Variants in SAMD13 observed in about 807,000 individuals in gnomAD.
The protein encoded by SAMD13 is sterile alpha motif domain containing 13.
In SAMD13, 9 loss-of-function variants were observed where a neutral mutation model predicts 12.4. The observed-to-expected ratio is 0.72, with a 90% confidence interval of 0.44 to 1.26. The LOEUF (loss-of-function observed/expected upper bound fraction) is 1.26, where lower values mean the gene tolerates loss of function less well. Ranked by LOEUF, SAMD13 falls within the 50% of genes most tolerant of loss-of-function variation. The pLI is 0.00. For synonymous variants in SAMD13, 46 were observed against 45.4 expected (o/e 1.01, Z -0.05); for missense variants, 84 against 119.6 (o/e 0.70, Z 1.39).
intron 2 of SAMD13, among the ~76,000 whole-genome samples, chr1:84,309,003 G>A (rs185169212): frequency 2.1e-4 from 32 of 152,206 alleles, no homozygotes; most frequent in Admixed American, 6.5e-4. Context: ...TTCTCTCTGC[G>A]TCAGTTCTCT....
At chr1:84,349,553 C>T (rs916955161) in intron 3 of SAMD13, 78 bp from the exon 4 acceptor site, 6 of 1,534,310 alleles carry the variant, frequency 3.9e-6, no homozygotes, top group South Asian at 2.6e-5. Context: ...TGACTTTTAC[C>T]TCTGAACTTC....
chr1:84,328,237 A>G (rs552352671), intron 3 of SAMD13, among the ~76,000 whole-genome samples: 13 of 152,294 alleles, frequency 8.5e-5, no homozygotes, highest in African/African-American at 2.9e-4. Context: ...ACTTTCTCCC[A>G]TGGATGATCT....
chr1:84,349,780 T>C lies in SAMD13; in HGVS notation c.*6T>C, dbSNP rs751768111. 1.9e-6 allele frequency: 3 copies of C among 1,599,652 alleles called. No homozygotes were observed. Among genetic ancestry groups the C allele is most frequent in the Non-Finnish European group, 2.6e-6 (3 of 1,173,790 alleles). Reference sequence around the variant, plus strand: ...TAAAGAACAACTCTTCATAGTACAGTCAAATTGGGGTCTTCGACCTCAAAA... The same window carrying C: ...TAAAGAACAACTCTTCATAGTACAGCCAAATTGGGGTCTTCGACCTCAAAA... On this transcript the variant is annotated 3_prime_UTR_variant, in exon 4 of 4. Coordinates refer to ENST00000394834, the MANE Select transcript of SAMD13 (RefSeq NM_001134663.2).
intron 2 of SAMD13, among the ~76,000 whole-genome samples, chr1:84,321,417 T>A (rs1267412624): frequency 1.3e-5 from 2 of 152,096 alleles, no homozygotes. Flanking sequence ...ATTTATCATA[T>A]TAACATGTAT....
At chr1:84,305,925 A>G (rs575484739) in intron 2 of SAMD13, among the ~76,000 whole-genome samples, 6 of 151,952 alleles carry the variant, frequency 3.9e-5, no homozygotes, top group African/African-American at 1.2e-4. Context: ...TAGCAATCCA[A>G]CTTTGTTTTT....
intron 2 of SAMD13, among the ~76,000 whole-genome samples, chr1:84,318,040 T>A (rs755688629): frequency 1.3e-5 from 2 of 152,086 alleles, no homozygotes; most frequent in Non-Finnish European, 2.9e-5. Context: ...TCTTTTTCAT[T>A]TCTGCTTTTA....
chr1:84,320,550 A>G (rs1054345160), intron 2 of SAMD13, among the ~76,000 whole-genome samples: 3 of 152,232 alleles, frequency 2.0e-5, no homozygotes, highest in Non-Finnish European at 4.4e-5. Flanking sequence ...GCTAATGCTC[A>G]TTTAGTTGCT....
intron 3 of SAMD13, among the ~76,000 whole-genome samples, chr1:84,346,055 A>G (rs1679527814): frequency 6.6e-6 from 1 of 152,158 alleles, no homozygotes; most frequent in African/African-American, 2.4e-5. Context: ...AGTGCATGTC[A>G]GGAATTCTAC....
upstream of SAMD13, among the ~76,000 whole-genome samples, chr1:84,300,739 G>A (rs1558432945): frequency 6.6e-6 from 1 of 152,342 alleles, no homozygotes; most frequent in East Asian, 1.9e-4. Context: ...TTTAAGCCAA[G>A]CAAGGGAACT....
At chr1:84,314,142 T>C (rs568380091) in intron 2 of SAMD13, among the ~76,000 whole-genome samples, 1 of 152,268 alleles carries the variant, frequency 6.6e-6, no homozygotes, top group South Asian at 2.1e-4. Flanking sequence ...TAAAACATTG[T>C]AGAAAAGAGA....
chr1:84,317,463 G>A (rs550431380), intron 2 of SAMD13, among the ~76,000 whole-genome samples: 19 of 151,804 alleles, frequency 1.3e-4, no homozygotes, highest in South Asian at 1.0e-3. Flanking sequence ...TTAGACGATC[G>A]TGTGATTTTT....
intron 2 of SAMD13, among the ~76,000 whole-genome samples, chr1:84,320,507 A>G (rs1179670258): frequency 6.6e-6 from 1 of 152,188 alleles, no homozygotes; most frequent in Non-Finnish European, 1.5e-5. Flanking sequence ...GCTTGTTAGC[A>G]TGAAGGGAGA....
In SAMD13 at chr1:84,350,019, A is replaced by G. The variant is rs1324928229; in HGVS notation, c.*245A>G. The G allele has an allele frequency of 7.3e-6, 4 of 546,904 alleles. No individual in the cohort carries two copies. The highest frequency in any genetic ancestry group is 8.9e-5 in the East Asian group (2 of 22,590). The allele number at this position is 546,904 out of a possible 1,614,324, so 33.9% of individuals were successfully genotyped here. A position where few individuals can be genotyped will look rare whatever the true frequency, so the allele number is the denominator to read the frequency against. On this transcript the variant is annotated 3_prime_UTR_variant, in exon 4 of 4. Coordinates refer to ENST00000394834, the MANE Select transcript of SAMD13 (RefSeq NM_001134663.2). ...GATTTTGTCAAATAGATGATCTTTG[A>G]CACGATTAGACACTCCTCCCCACAA... is the stretch of plus-strand genomic sequence containing the variant.
intron 3 of SAMD13, among the ~76,000 whole-genome samples, chr1:84,340,175 T>A (rs1604725): frequency 0.017 from 2,626 of 152,294 alleles, 64 homozygotes; most frequent in African/African-American, 0.058. Flanking sequence ...GGTGGAAATA[T>A]CCCGAGTGTC....
At chr1:84,308,870 TGGAGACCA>T (rs1678645106) in intron 2 of SAMD13, among the ~76,000 whole-genome samples, 1 of 152,172 alleles carries the variant, frequency 6.6e-6, no homozygotes, top group Admixed American at 6.5e-5. Context: ...AACCCAAATT[TGGAGACCA>T]GGGGGAATTA....
At chr1:84,311,090 C>A (rs960925064) in intron 2 of SAMD13, among the ~76,000 whole-genome samples, 2 of 151,990 alleles carry the variant, frequency 1.3e-5, no homozygotes, top group African/African-American at 2.4e-5. Context: ...AATCCCAGCA[C>A]TTTGGGAGGC....
In SAMD13 at chr1:84,305,993, T is replaced by G. The variant is rs374680549; in HGVS notation, c.53+2706T>G. ...ATGAATTTTAGAATTAGCTTGTCAG[T>G]TTCCACCAAATTTTTTTTTGAAAAT... On this transcript the variant is annotated intron_variant, in intron 2 of 3. Transcript: ENST00000394834. Among the ~76,000 whole-genome samples the G allele has an allele frequency of 4.6e-5, 7 of 152,344 alleles. No homozygotes were observed. In the South Asian group the frequency reaches 1.5e-3, roughly 32 times the overall value.
Position 84,330,777 on chromosome 1 carries a change from A to C in SAMD13, c.165+5029A>C, listed in dbSNP as rs575670541. Among the ~76,000 whole-genome samples, 10 of 152,326 alleles carry C rather than the reference A, an allele frequency of 6.6e-5. No homozygotes were observed. In the South Asian group the frequency reaches 1.9e-3, roughly 28 times the overall value. ...AATATATAAGAAGAAGATGGAAGAC[A>C]GATCTGCCATTCAATCAATGTCATA... On this transcript the variant is annotated intron_variant, in intron 3 of 3. Coordinates refer to ENST00000394834, the MANE Select transcript of SAMD13 (RefSeq NM_001134663.2).
chr1:84,303,117 G>T, intron 1 of SAMD13, 86 bp from the exon 2 acceptor site: 1 of 991,230 alleles, frequency 1.0e-6, no homozygotes, highest in East Asian at 2.6e-5. Context: ...AGCTGTAAAA[G>T]GGACCATTAT....
Sources: gnomAD v4.1 joint callset for allele counts (sites outside exome capture counted in the v4.1 genomes callset) on GRCh38, gnomAD v4.1.1 for gene constraint, MANE v1.5 for transcripts, NCBI Gene and HGNC (gene_info 2026-07-23, HGNC 2026-07-21) for gene names.